USP40: variants seen among roughly 807,000 people sequenced by gnomAD.
The protein encoded by USP40 is ubiquitin carboxyl-terminal hydrolase 40.
USP40 carries 143 observed loss-of-function variants against 166.2 expected under a neutral mutation model. That is an observed-to-expected ratio of 0.86 (90% CI 0.75 to 0.99). The LOEUF (loss-of-function observed/expected upper bound fraction) is 0.99, where lower values mean the gene tolerates loss of function less well. USP40 is among the 50% of genes least tolerant of loss of function. USP40 has a pLI of 0.00. For missense variants in USP40, 1,444 were observed against 1,479.7 expected, an observed-to-expected ratio of 0.98 and a Z score of 0.40; for synonymous variants, 498 against 524.0, an observed-to-expected ratio of 0.95 and a Z score of 0.68.
chr2:233,513,694 G>C (rs2066985220), intron 18 of USP40, among the ~76,000 whole-genome samples: 1 of 152,060 alleles, frequency 6.6e-6, no homozygotes, highest in Non-Finnish European at 1.5e-5. Flanking sequence ...AAAATATGTT[G>C]GGTGATTTTA....
At chr2:233,491,014 T>C (rs955893094) in intron 26 of USP40, 153 bp downstream of exon 26, 2 of 735,592 alleles carry the variant, frequency 2.7e-6, no homozygotes, top group African/African-American at 3.5e-5. Context: ...TGGGCGTGTA[T>C]TGCCTGCGGG....
chr2:233,542,512 C>A (rs1260731952), intron 8 of USP40, 149 bp from the exon 9 acceptor site: 4 of 555,090 alleles, frequency 7.2e-6, no homozygotes, highest in Non-Finnish European at 1.3e-5. Context: ...GAGTTCAAGA[C>A]CAGCCTGGGC....
At chr2:233,533,344 CTT>C in intron 11 of USP40, 133 bp downstream of exon 11, 1 of 886,414 alleles carries the variant, frequency 1.1e-6, no homozygotes. Flanking sequence ...TAATATAGTT[CTT>C]GTTAGCTTTA....
intron 28 of USP40, chr2:233,487,830 T>G: frequency 2.5e-6 from 1 of 403,592 alleles, no homozygotes; most frequent in South Asian, 1.9e-5. Context: ...TACTAACAAA[T>G]AAATCAGTAA....
chr2:233,559,905 T>C lies in USP40; in HGVS notation c.287A>G (p.Gln96Arg). ...PDAKVRIIPLQLQRLFAQLLL... is the reference protein window; with the variant it reads ...PDAKVRIIPLRLQRLFAQLLL... ...AAGCTGAGCAAACAAGCGCTGTAAC[T>C]GTAAAGGGATGATTCGAACCTGAAT... Residue 96 changes from glutamine (Q) to arginine (R), a missense_variant, in exon 4 of 32, where the codon CAG becomes CGG. Coordinates refer to ENST00000678225, the MANE Select transcript of USP40 (RefSeq NM_001365479.2). 1 of 1,606,786 alleles carries C rather than the reference T, an allele frequency of 6.2e-7. No individual in the cohort carries two copies. Among genetic ancestry groups the C allele is most frequent in the African/African-American group, 1.3e-5 (1 of 74,976 alleles).
At chr2:233,514,656 G>A (rs1180601373) in intron 18 of USP40, among the ~76,000 whole-genome samples, 1 of 152,136 alleles carries the variant, frequency 6.6e-6, no homozygotes, top group Non-Finnish European at 1.5e-5. Context: ...ACGTATTGAC[G>A]ATGATCAAAT....
intron 4 of USP40, among the ~76,000 whole-genome samples, chr2:233,558,392 A>G (rs1389911627): frequency 6.6e-6 from 1 of 152,178 alleles, no homozygotes; most frequent in East Asian, 1.9e-4. Context: ...AACAAAAAAC[A>G]TGTGGCATAT....
chr2:233,550,882 A>C (rs2070485786), intron 7 of USP40, among the ~76,000 whole-genome samples: 1 of 152,196 alleles, frequency 6.6e-6, no homozygotes, highest in African/African-American at 2.4e-5. Flanking sequence ...ATTACATGTA[A>C]AATAAACTAA....
At chr2:233,485,417 C>G in intron 30 of USP40, 114 bp downstream of exon 30, 1 of 876,416 alleles carries the variant, frequency 1.1e-6, no homozygotes, top group South Asian at 1.8e-5. Flanking sequence ...TTCTCTGAAA[C>G]AATTTGTATA....
intron 8 of USP40, chr2:233,546,139 T>C (rs7603410): frequency 0.79 from 120,495 of 152,174 alleles, 47,791 homozygotes; most frequent in East Asian, 0.87. Context: ...GTGCAGAGAC[T>C]GAAGCCACAT....
Position 233,549,175 on chromosome 2 carries a change from T to C in USP40, c.892A>G (p.Lys298Glu). The C allele has an allele frequency of 6.4e-7, 1 of 1,570,080 alleles. No homozygotes were observed. The highest frequency in any genetic ancestry group is 8.7e-7 in the Non-Finnish European group (1 of 1,146,700). ...IYDLFSVIIH[K>E]GGCYGGHYHV... Reference sequence around the variant, plus strand: ...TAATGGCCTCCGTAGCAGCCACCTTTGTGTATAATAACTGAGAAGAGGTCA... The same window carrying C: ...TAATGGCCTCCGTAGCAGCCACCTTCGTGTATAATAACTGAGAAGAGGTCA... Residue 298 changes from lysine to glutamate, a missense_variant, in exon 8 of 32, where the codon AAA (lysine) becomes GAA (glutamate). Coordinates refer to ENST00000678225, the MANE Select transcript of USP40 (RefSeq NM_001365479.2).
At chr2:233,554,225 T>C in intron 6 of USP40, 155 bp downstream of exon 6, 7 of 836,024 alleles carry the variant, frequency 8.4e-6, no homozygotes, top group Non-Finnish European at 9.7e-6. Flanking sequence ...AAAAATTCAT[T>C]ATTGTAAAAA....
At chr2:233,494,943 TA>T (rs1559224205) in intron 24 of USP40, among the ~76,000 whole-genome samples, 8 of 37,698 alleles carry the variant, frequency 2.1e-4, no homozygotes, top group African/African-American at 1.2e-3. Flanking sequence ...TATATATATA[TA>T]TATATATATA....
chr2:233,493,631 C>A lies in USP40; in HGVS notation c.2791-80G>T. ...ACTTTTACTTCCATAGAAAGAAACA[C>A]CTTGATGACCTAAGATGTTCTTGAA... On this transcript the variant is annotated intron_variant, in intron 24 of 31. Transcript: ENST00000678225. This position sits in a 1 kb window ranked among gnomAD's most constrained non-coding sequence, Gnocchi z 4.7. 7.1e-7 allele frequency: 1 copy of A among 1,411,238 alleles called. No individual in the cohort carries two copies. The highest frequency in any genetic ancestry group is 2.5e-5 in the Admixed American group (1 of 39,984). The allele number at this position is 1,411,238 out of a possible 1,614,324, so 87.4% of individuals were successfully genotyped here.
intron 18 of USP40, among the ~76,000 whole-genome samples, chr2:233,513,786 T>C (rs907672607): frequency 6.6e-6 from 1 of 152,008 alleles, no homozygotes; most frequent in African/African-American, 2.4e-5. Context: ...CAAGATCCCC[T>C]GGTGCTTGGA....
intron 30 of USP40, among the ~76,000 whole-genome samples, chr2:233,483,732 C>T (rs774269415): frequency 7.9e-5 from 12 of 152,038 alleles, no homozygotes; most frequent in Admixed American, 2.6e-4. Flanking sequence ...TAGGGAGGCT[C>T]GACCGTTAAG....
intron 7 of USP40, 119 bp from the exon 8 acceptor site, chr2:233,549,348 G>A (rs1378371557): frequency 7.2e-6 from 5 of 692,180 alleles, no homozygotes; most frequent in East Asian, 6.1e-5. Flanking sequence ...TGTTATTTAA[G>A]AGTAAAGATG....
chr2:233,552,858 T>C (rs1200661809), intron 6 of USP40, among the ~76,000 whole-genome samples: 2 of 152,246 alleles, frequency 1.3e-5, no homozygotes, highest in African/African-American at 4.8e-5. Flanking sequence ...AATTCAATAA[T>C]TGTCAGCTAT....
intron 21 of USP40, among the ~76,000 whole-genome samples, chr2:233,501,352 G>C (rs184622326): frequency 6.6e-6 from 1 of 152,304 alleles, no homozygotes; most frequent in East Asian, 1.9e-4. Flanking sequence ...GATCACATAG[G>C]CCCTTGTGCA....
Sources: allele counts gnomAD v4.1 joint callset (sites outside exome capture counted in the v4.1 genomes callset), GRCh38; gene constraint gnomAD v4.1.1; non-coding constraint Gnocchi (gnomAD v3.1); transcripts MANE v1.5; gene names NCBI Gene and HGNC (gene_info 2026-07-23, HGNC 2026-07-21).